Variants in MPZL1 observed in about 807,000 individuals in gnomAD.
The protein encoded by MPZL1 is myelin protein zero like 1.
A neutral mutation model predicts 29.3 loss-of-function variants in MPZL1; 16 were observed. That is an observed-to-expected ratio of 0.55 (90% CI 0.37 to 0.83). The LOEUF is 0.83. Among genes scored for constraint, MPZL1 ranks in the 40% least tolerant of loss-of-function variants. MPZL1 has a pLI of 0.00. For synonymous variants in MPZL1, 143 were observed against 132.0 expected (o/e 1.08, Z -0.57); for missense variants, 279 against 332.9 (o/e 0.84, Z 1.26).
chr1:167,765,820 C>A (rs1438267132), intron 2 of MPZL1, 71 bp downstream of exon 2: 2 of 1,358,790 alleles, frequency 1.5e-6, no homozygotes, highest in South Asian at 1.6e-5. Context: ...ATTGGTGATC[C>A]ATTTTTCTGA....
At chr1:167,758,374 C>T (rs997765753) in intron 1 of MPZL1, among the ~76,000 whole-genome samples, 1 of 152,068 alleles carries the variant, frequency 6.6e-6, no homozygotes, top group African/African-American at 2.4e-5. Context: ...AAGATCATCT[C>T]GGCATGTAGT....
chr1:167,772,645 A>G (rs963720012), intron 3 of MPZL1, among the ~76,000 whole-genome samples, 157 bp downstream of exon 3: 28 of 152,072 alleles, frequency 1.8e-4, no homozygotes, highest in African/African-American at 6.5e-4. Context: ...TACCAAACAC[A>G]CTTGGAGCTG....
intron 5 of MPZL1, 48 bp downstream of exon 5, chr1:167,776,214 G>T (rs772490146): frequency 1.1e-5 from 16 of 1,392,536 alleles, no homozygotes; most frequent in African/African-American, 1.4e-5. Context: ...CCTACAGCTT[G>T]GTGCTCTGTC....
rs761725756 is a variant in MPZL1 at position 167,765,603 on chromosome 1, T to G, written c.112T>G (p.Leu38Val). 1.0e-4 allele frequency: 165 copies of G among 1,612,086 alleles called. No homozygotes were observed. Among genetic ancestry groups the G allele is most frequent in the Non-Finnish European group, 1.3e-4 (155 of 1,179,114 alleles). ...LGLLTAGVSA[L>V]EVYTPKEIFV... ...TTCAGTGACAGCTGGAGTATCAGCC[T>G]TGGAAGTATATACGCCAAAAGAAAT... The change falls in exon 2 of 6, where the codon TTG becomes GTG. Residue 38 changes from leucine to valine, a missense_variant. Transcript: ENST00000359523.
Position 167,789,703 on chromosome 1 carries a change from CAT to C in MPZL1, c.*1783_*1784del, listed in dbSNP as rs1257499356. On this transcript the variant is annotated 3_prime_UTR_variant, in exon 6 of 6. Transcript: ENST00000359523. ...ACAGGGATCAGGTTTGGTCACCACA[CAT>C]GTCTGAAGCTGGGCAGCGTCTGCTC... is the stretch of plus-strand genomic sequence containing the variant. 6 of 152,316 alleles carry C rather than the reference CAT, an allele frequency of 3.9e-5. No individual in the cohort carries two copies. Among genetic ancestry groups the C allele is most frequent in the Admixed American group, 1.3e-4 (2 of 15,304 alleles). The allele number at this position is 152,316 out of a possible 1,614,324, so 9.4% of individuals were successfully genotyped here. A position where few individuals can be genotyped will look rare whatever the true frequency, so the allele number is the denominator to read the frequency against.
chr1:167,745,310 G>C (rs1660622433), intron 1 of MPZL1, among the ~76,000 whole-genome samples: 1 of 152,030 alleles, frequency 6.6e-6, no homozygotes, highest in African/African-American at 2.4e-5. Context: ...ATATTTTTAA[G>C]TGCTTGTCAT....
chr1:167,750,211 C>CT (rs1457430600), intron 1 of MPZL1, among the ~76,000 whole-genome samples: 1 of 151,016 alleles, frequency 6.6e-6, no homozygotes, highest in Non-Finnish European at 1.5e-5. Flanking sequence ...CTTTTCTTTT[C>CT]TTTTTTGAGA....
intron 1 of MPZL1, among the ~76,000 whole-genome samples, chr1:167,725,837 A>G (rs986080655): frequency 6.6e-6 from 1 of 151,640 alleles, no homozygotes; most frequent in African/African-American, 2.4e-5. Flanking sequence ...CCAGGTCTGG[A>G]ACTCCTGACC....
chr1:167,779,205 A>G (rs1156752805), intron 5 of MPZL1, among the ~76,000 whole-genome samples: 1 of 152,220 alleles, frequency 6.6e-6, no homozygotes, highest in Non-Finnish European at 1.5e-5. Context: ...TTAGAATCCG[A>G]GAAGAAAAAG....
chr1:167,779,541 C>T (rs986541476), intron 5 of MPZL1, among the ~76,000 whole-genome samples: 16 of 150,592 alleles, frequency 1.1e-4, no homozygotes, highest in Non-Finnish European at 1.5e-4. Context: ...GCCAAGATCG[C>T]GCCACTGCAC....
chr1:167,742,845 T>C lies in MPZL1; in HGVS notation c.91+20603T>C, dbSNP rs1167014655. ...AGATGAGGATCCAGTTTCATTCTCCTACATGTGGCTAGCCAATTATCCCAG... is the reference window on the plus strand; with the variant it reads ...AGATGAGGATCCAGTTTCATTCTCCCACATGTGGCTAGCCAATTATCCCAG... On this transcript the variant is annotated intron_variant, in intron 1 of 5. Transcript: ENST00000359523. Among the ~76,000 whole-genome samples the C allele has an allele frequency of 4.6e-5, 7 of 152,268 alleles. No individual in the cohort carries two copies. In the East Asian group the frequency reaches 1.3e-3, roughly 29 times the overall value.
intron 1 of MPZL1, among the ~76,000 whole-genome samples, chr1:167,749,115 T>G (rs1660707584): frequency 6.6e-6 from 1 of 152,218 alleles, no homozygotes; most frequent in East Asian, 1.9e-4. Flanking sequence ...CCCAGTCCTT[T>G]GGGTAGAATG....
At chr1:167,741,893 C>T (rs1311734819) in intron 1 of MPZL1, among the ~76,000 whole-genome samples, 1 of 151,894 alleles carries the variant, frequency 6.6e-6, no homozygotes, top group African/African-American at 2.4e-5. Flanking sequence ...GTTAGCTGGG[C>T]CTGATGGCTC....
chr1:167,742,024 C>G, intron 1 of MPZL1, among the ~76,000 whole-genome samples: 1 of 151,480 alleles, frequency 6.6e-6, no homozygotes, highest in East Asian at 1.9e-4. Flanking sequence ...CAAAGTGAGA[C>G]CCTGCCCCCA....
At chr1:167,748,330 C>T (rs1660689304) in intron 1 of MPZL1, among the ~76,000 whole-genome samples, 2 of 152,146 alleles carry the variant, frequency 1.3e-5, no homozygotes, top group Admixed American at 1.3e-4. Flanking sequence ...TTGATATAGC[C>T]ATCCTAGCGA....
chr1:167,773,182 A>C, intron 3 of MPZL1, 54 bp from the exon 4 acceptor site: 1 of 1,538,826 alleles, frequency 6.5e-7, no homozygotes, highest in Non-Finnish European at 8.9e-7. Flanking sequence ...ATAAAATTCC[A>C]TGTTTTCTCT....
chr1:167,764,316 T>G (rs12411071), intron 1 of MPZL1, among the ~76,000 whole-genome samples: 26,602 of 152,188 alleles, frequency 0.17, 2,605 homozygotes, highest in East Asian at 0.36. Flanking sequence ...AGTTGCCTAC[T>G]ATTGCAGATC....
Position 167,735,807 on chromosome 1 carries a change from C to T in MPZL1, c.91+13565C>T, listed in dbSNP as rs576184463. On this transcript the variant is annotated intron_variant, in intron 1 of 5. Transcript: ENST00000359523. ...GGGTAATCTGCTTTACTCAGAGTCC[C>T]CCAATTGTAATATTAATCTTATCAG... Among the ~76,000 whole-genome samples, 25 of 152,184 alleles carry T rather than the reference C, an allele frequency of 1.6e-4. No homozygotes were observed. In the South Asian group the frequency reaches 5.2e-3, roughly 32 times the overall value.
At chr1:167,726,729 A>G (rs1325459716) in intron 1 of MPZL1, among the ~76,000 whole-genome samples, 1 of 152,242 alleles carries the variant, frequency 6.6e-6, no homozygotes, top group Non-Finnish European at 1.5e-5. Context: ...CTCCAACTCC[A>G]GGATATCCAC....
Sources: allele counts gnomAD v4.1 joint callset (sites outside exome capture counted in the v4.1 genomes callset), GRCh38; gene constraint gnomAD v4.1.1; transcripts MANE v1.5; gene names NCBI Gene and HGNC (gene_info 2026-07-23, HGNC 2026-07-21).